PTPRT: variants seen among roughly 807,000 people sequenced by gnomAD.
PTPRT encodes protein tyrosine phosphatase receptor type T, also known as receptor-type tyrosine-protein phosphatase T.
Under a neutral mutation model 176.8 loss-of-function variants are expected in PTPRT, and 56 were observed. The ratio of observed to expected loss-of-function variants is 0.32; its 90% CI spans 0.26 to 0.40. The LOEUF is 0.40. PTPRT is among the 10% of genes least tolerant of loss of function. The pLI is 1.00. For synonymous variants in PTPRT, 783 were observed against 739.0 expected, an observed-to-expected ratio of 1.06 and a Z score of -0.96; for missense variants, 1,540 against 1,908.2, an observed-to-expected ratio of 0.81 and a Z score of 3.60.
At chr20:43,011,792 G>C (rs977892578) in intron 1 of PTPRT, among the ~76,000 whole-genome samples, 3 of 152,194 alleles carry the variant, frequency 2.0e-5, no homozygotes, top group African/African-American at 7.2e-5. Context: ...TGGACTGGGA[G>C]AGGCAAACCT....
chr20:42,839,290 T>C (rs891722948), intron 2 of PTPRT, among the ~76,000 whole-genome samples: 6 of 151,004 alleles, frequency 4.0e-5, no homozygotes, highest in Non-Finnish European at 7.4e-5. Flanking sequence ...CGGGCACACT[T>C]ACTCTGTGTT....
chr20:43,087,522 C>T (rs2011646265), intron 1 of PTPRT, among the ~76,000 whole-genome samples: 1 of 151,904 alleles, frequency 6.6e-6, no homozygotes, highest in African/African-American at 2.4e-5. Flanking sequence ...TGCCACCATG[C>T]CCAGCTAATG....
intron 20 of PTPRT, among the ~76,000 whole-genome samples, chr20:42,119,581 A>G (rs1987479005): frequency 6.6e-6 from 1 of 152,170 alleles, no homozygotes; most frequent in East Asian, 1.9e-4. Flanking sequence ...AGGCACCATC[A>G]GCTCCGGCCC....
At chr20:42,528,377 AGAT>A (rs1351410450) in intron 7 of PTPRT, among the ~76,000 whole-genome samples, 1 of 151,768 alleles carries the variant, frequency 6.6e-6, no homozygotes, top group African/African-American at 2.4e-5. Flanking sequence ...GGCGTATACT[AGAT>A]GTTCAATAAG....
intron 26 of PTPRT, among the ~76,000 whole-genome samples, chr20:42,100,685 C>A (rs1349401088): frequency 6.6e-6 from 1 of 152,108 alleles, no homozygotes; most frequent in Non-Finnish European, 1.5e-5. Flanking sequence ...TATGGGCGCA[C>A]CCCTAGGCTC....
intron 16 of PTPRT, among the ~76,000 whole-genome samples, chr20:42,172,849 T>C (rs1210875040): frequency 1.3e-5 from 2 of 152,114 alleles, no homozygotes; most frequent in African/African-American, 4.8e-5. Flanking sequence ...AGCGCTGAGT[T>C]TCTTCTTTCT....
intron 23 of PTPRT, among the ~76,000 whole-genome samples, chr20:42,109,153 A>AAAT (rs1986794481): frequency 6.6e-6 from 1 of 152,244 alleles, no homozygotes; most frequent in Non-Finnish European, 1.5e-5. Context: ...CTGGGAAGAT[A>AAAT]AATAAATGGA....
intron 12 of PTPRT, among the ~76,000 whole-genome samples, chr20:42,305,334 G>A (rs1224417490): frequency 6.6e-6 from 1 of 151,950 alleles, no homozygotes; most frequent in African/African-American, 2.4e-5. Flanking sequence ...CTGGGCAACA[G>A]AGTGTGACTC....
chr20:42,871,666 A>T (rs189325230), intron 2 of PTPRT, among the ~76,000 whole-genome samples: 1 of 121,008 alleles, frequency 8.3e-6, no homozygotes, highest in Non-Finnish European at 1.7e-5. Flanking sequence ...GTATGGTGTA[A>T]GTTAAGGATC....
At chr20:42,179,253 G>A (rs2146579666) in intron 16 of PTPRT, among the ~76,000 whole-genome samples, 1 of 152,304 alleles carries the variant, frequency 6.6e-6, no homozygotes, top group East Asian at 1.9e-4. Context: ...AGCTGACTTT[G>A]CTTAGCTTTG....
At chr20:42,787,070 G>C (rs538860576) in intron 3 of PTPRT, among the ~76,000 whole-genome samples, 1 of 152,344 alleles carries the variant, frequency 6.6e-6, no homozygotes, top group Admixed American at 6.5e-5. Flanking sequence ...TACAATGGCA[G>C]AATTGAGTAA....
At chr20:42,087,083 T>G (rs141621185) in intron 27 of PTPRT, among the ~76,000 whole-genome samples, 90 of 151,870 alleles carry the variant, frequency 5.9e-4, no homozygotes, top group African/African-American at 2.1e-3. Context: ...TTGTCACACC[T>G]GCGGGTTGCT....
intron 15 of PTPRT, among the ~76,000 whole-genome samples, chr20:42,204,007 T>G (rs1029393994): frequency 6.6e-6 from 1 of 152,202 alleles, no homozygotes; most frequent in African/African-American, 2.4e-5. Context: ...TCAATAAACT[T>G]GTTGCACGAA....
chr20:42,341,965 G>T (rs2058117793), intron 11 of PTPRT, among the ~76,000 whole-genome samples: 1 of 152,208 alleles, frequency 6.6e-6, no homozygotes, highest in Non-Finnish European at 1.5e-5. Flanking sequence ...CCAATTCTTG[G>T]TAAGCTGAGT....
chr20:42,450,947 A>G (rs1354744152), intron 8 of PTPRT, among the ~76,000 whole-genome samples: 2 of 152,142 alleles, frequency 1.3e-5, no homozygotes, highest in Non-Finnish European at 2.9e-5. Flanking sequence ...GCAGAGAACA[A>G]CCTAGAATGG....
At chr20:42,546,681 C>T (rs2072680097) in intron 7 of PTPRT, among the ~76,000 whole-genome samples, 1 of 152,116 alleles carries the variant, frequency 6.6e-6, no homozygotes. Flanking sequence ...AGACCTGTGA[C>T]TCTTCCTTTC....
At chr20:42,192,734 G>A (rs529090904) in intron 16 of PTPRT, among the ~76,000 whole-genome samples, 1 of 152,298 alleles carries the variant, frequency 6.6e-6, no homozygotes, top group African/African-American at 2.4e-5. Flanking sequence ...TCCACTGCCA[G>A]GCTGCAAGCT....
chr20:43,131,186 C>G (rs1273967149), intron 1 of PTPRT, among the ~76,000 whole-genome samples: 2 of 152,360 alleles, frequency 1.3e-5, no homozygotes, highest in African/African-American at 4.8e-5. Context: ...ACACATGCAT[C>G]CACCCTCCAC....
At chr20:42,954,951 GAGA>G in intron 1 of PTPRT, among the ~76,000 whole-genome samples, 1 of 151,738 alleles carries the variant, frequency 6.6e-6, no homozygotes, top group East Asian at 1.9e-4. Context: ...GAAGGGAGAG[GAGA>G]AGGTTAAGGA....
Sources: allele counts gnomAD v4.1 joint callset (sites outside exome capture counted in the v4.1 genomes callset), GRCh38; gene constraint gnomAD v4.1.1; transcripts MANE v1.5; gene names NCBI Gene and HGNC (gene_info 2026-07-23, HGNC 2026-07-21).